PBX3: variants seen among roughly 807,000 people sequenced by gnomAD.
PBX3 encodes pre-B-cell leukemia transcription factor 3.
A neutral mutation model predicts 48.5 loss-of-function variants in PBX3; 14 were observed. That is an observed-to-expected ratio of 0.29 (90% confidence interval 0.19 to 0.45). The LOEUF is 0.45. PBX3 is among the 20% of genes least tolerant of loss of function. PBX3 has a pLI of 1.00. For missense variants in PBX3, 386 were observed against 546.7 expected, an observed-to-expected ratio of 0.71 and a Z score of 2.93; for synonymous variants, 210 against 200.3, an observed-to-expected ratio of 1.05 and a Z score of -0.41.
chr9:125,885,474 A>C (rs1358406544), intron 2 of PBX3, among the ~76,000 whole-genome samples: 4 of 152,168 alleles, frequency 2.6e-5, no homozygotes. Context: ...AGTAAGTCAC[A>C]ATATCCTAAT....
At chr9:125,936,760 A>G (rs1841844611) in intron 5 of PBX3, among the ~76,000 whole-genome samples, 1 of 152,188 alleles carries the variant, frequency 6.6e-6, no homozygotes, top group Admixed American at 6.5e-5. Flanking sequence ...GAAATGGTAT[A>G]TCTTGATTTC....
At position 125,880,793 on chromosome 9, in the gene PBX3, C is replaced by T. The variant is rs148384313; in HGVS notation, c.275-34893C>T. ...AAAATGTCATTTTTCTCACTTAAAT[C>T]GTGTCATGATTTTCAAATGCTGGAT... On this transcript the variant is annotated intron_variant, in intron 2 of 8. Coordinates refer to ENST00000373489, the MANE Select transcript of PBX3 (RefSeq NM_006195.6). 9.3e-3 allele frequency among the ~76,000 whole-genome samples: 1,413 copies of T among 152,132 alleles called. 30 individuals carry two copies. Among genetic ancestry groups the T allele is most frequent in the African/African-American group, 0.032 (1,322 of 41,508 alleles).
At chr9:125,755,493 GCT>G (rs772464082) in intron 2 of PBX3, among the ~76,000 whole-genome samples, 46 of 152,110 alleles carry the variant, frequency 3.0e-4, no homozygotes, top group Admixed American at 1.2e-3. Context: ...GGATTTCTTG[GCT>G]CTCTCTTAAC....
chr9:125,793,362 A>AGCTCAGTGTCTCAT (rs1554855726), intron 2 of PBX3, among the ~76,000 whole-genome samples: 1 of 65,652 alleles, frequency 1.5e-5, no homozygotes, highest in Non-Finnish European at 3.0e-5. Flanking sequence ...GGGGGGAAAA[A>AGCTCAGTGTCTCAT]AAAAATATAT....
intron 2 of PBX3, among the ~76,000 whole-genome samples, chr9:125,897,283 T>G (rs1218962130): frequency 6.6e-6 from 1 of 151,730 alleles, no homozygotes. Context: ...TCTTAAAATA[T>G]GAATTCATTA....
chr9:125,789,021 T>G (rs1837531002), intron 2 of PBX3, among the ~76,000 whole-genome samples: 1 of 152,226 alleles, frequency 6.6e-6, no homozygotes, highest in Non-Finnish European at 1.5e-5. Flanking sequence ...TAAGATTGTT[T>G]CATACTGTTG....
intron 2 of PBX3, among the ~76,000 whole-genome samples, chr9:125,793,366 A>AATATATATATATATATATATATAT (rs1554855765): frequency 2.1e-4 from 21 of 101,934 alleles, no homozygotes; most frequent in African/African-American, 8.9e-4. Flanking sequence ...GGAAAAAAAA[A>AATATATATATATATATATATATAT]ATATATATAT....
Position 125,965,897 on chromosome 9 carries a change from A to G in PBX3, c.1279A>G (p.Ser427Gly). The change falls in exon 9 of 9, where the codon AGT (serine) becomes GGT (glycine). Residue 427 changes from serine (S) to glycine (G), a missense_variant. Physicochemically the swap from Ser to Gly is moderately conservative, Grantham distance 56. Coordinates refer to ENST00000373489, the MANE Select transcript of PBX3 (RefSeq NM_006195.6). ...SVTSPTEGPGSVHSDTSN is the reference protein window; with the variant it reads ...SVTSPTEGPGGVHSDTSN ...GACTTCTCCTACAGAAGGCCCAGGA[A>G]GTGTGCACTCGGATACCTCTAACTA... 1 of 1,614,000 alleles carries G rather than the reference A, an allele frequency of 6.2e-7. No individual in the cohort carries two copies. Among genetic ancestry groups the G allele is most frequent in the Non-Finnish European group, 8.5e-7 (1 of 1,179,846 alleles).
chr9:125,893,910 A>T (rs1239705789), intron 2 of PBX3, among the ~76,000 whole-genome samples: 2 of 152,116 alleles, frequency 1.3e-5, no homozygotes, highest in African/African-American at 4.8e-5. Flanking sequence ...AAAACATTCT[A>T]AGTGAGATAC....
At position 125,891,389 on chromosome 9, in the gene PBX3, A is replaced by T. The variant is rs577875382; in HGVS notation, c.275-24297A>T. ...AGAAGTTGATATCTGACCATTTGTG[A>T]CTTAGAAAATGGCAGTTCCGTGAGG... On this transcript the variant is annotated intron_variant, in intron 2 of 8. Transcript: ENST00000373489. 2.6e-5 allele frequency among the ~76,000 whole-genome samples: 4 copies of T among 152,354 alleles called. No homozygotes were observed. In the East Asian group the frequency reaches 7.7e-4, roughly 29 times the overall value.
chr9:125,802,544 T>C (rs1037321221), intron 2 of PBX3, among the ~76,000 whole-genome samples: 11 of 151,852 alleles, frequency 7.2e-5, no homozygotes, highest in African/African-American at 2.7e-4. Flanking sequence ...AATTTTCGTA[T>C]TTTTTGTAGA....
In PBX3 at chr9:125,832,014, A is replaced by G. The variant is rs141609164; in HGVS notation, c.274+83391A>G. Among the ~76,000 whole-genome samples the G allele has an allele frequency of 2.7e-3, 418 of 152,306 alleles. 1 individual carries two copies. The highest frequency in any genetic ancestry group is 9.6e-3 in the African/African-American group (401 of 41,576). ...TACTGGGTTGTTTGCTTTCAGGAAA[A>G]GAGAGGAGATAAGTGAGCTCACATT... On this transcript the variant is annotated intron_variant, in intron 2 of 8. Transcript: ENST00000373489.
At position 125,935,173 on chromosome 9, in the gene PBX3, A is replaced by G. The variant is rs556130522; in HGVS notation, c.708-299A>G. Among the ~76,000 whole-genome samples, 35 of 152,202 alleles carry G rather than the reference A, an allele frequency of 2.3e-4. 1 individual carries two copies. In the South Asian group the frequency reaches 7.3e-3, roughly 32 times the overall value. ...CTCTTCCCTGTAAGCTCTCTGATAG[A>G]CCTTGTTTGTTCTCACTGGATCTTC... is the stretch of plus-strand genomic sequence containing the variant. On this transcript the variant is annotated intron_variant, in intron 4 of 8. Transcript: ENST00000373489.
At chr9:125,951,156 C>T (rs958675897) in intron 5 of PBX3, among the ~76,000 whole-genome samples, 6 of 152,110 alleles carry the variant, frequency 3.9e-5, no homozygotes, top group South Asian at 2.1e-4. Flanking sequence ...GAGCCCTTTG[C>T]AAATGGCTAC....
intron 2 of PBX3, among the ~76,000 whole-genome samples, chr9:125,848,969 T>C (rs935240459): frequency 1.6e-4 from 24 of 152,006 alleles, no homozygotes; most frequent in African/African-American, 5.8e-4. Context: ...TGAACACTTA[T>C]AATGTGCCAG....
At chr9:125,889,319 C>A (rs1003129093) in intron 2 of PBX3, among the ~76,000 whole-genome samples, 13 of 152,254 alleles carry the variant, frequency 8.5e-5, no homozygotes, top group African/African-American at 3.1e-4. Flanking sequence ...GGCGCTTGCA[C>A]ACGCACGGGC....
At position 125,882,548 on chromosome 9, in the gene PBX3, G is replaced by A. The variant is rs149464447; in HGVS notation, c.275-33138G>A. On this transcript the variant is annotated intron_variant, in intron 2 of 8. Coordinates refer to ENST00000373489, the MANE Select transcript of PBX3 (RefSeq NM_006195.6). ...AGGCGCTATAGGTTATTGGAAACAC[G>A]CTCTCTTATCACTACAGAAATCATG... Among the ~76,000 whole-genome samples the A allele has an allele frequency of 1.4e-4, 22 of 152,270 alleles. No homozygotes were observed. In the East Asian group the frequency reaches 4.0e-3, roughly 28 times the overall value.
At chr9:125,931,570 G>A (rs1407325147) in intron 4 of PBX3, among the ~76,000 whole-genome samples, 13 of 152,102 alleles carry the variant, frequency 8.5e-5, no homozygotes, top group Admixed American at 8.5e-4. Flanking sequence ...ATTATAGGCA[G>A]GAGCCACCAT....
intron 2 of PBX3, among the ~76,000 whole-genome samples, chr9:125,784,288 C>G (rs1837402737): frequency 6.6e-6 from 1 of 152,182 alleles, no homozygotes; most frequent in Admixed American, 6.5e-5. Context: ...GGCACCAACT[C>G]TGGCTAATTT....
Sources: allele counts gnomAD v4.1 joint callset (sites outside exome capture counted in the v4.1 genomes callset), GRCh38; gene constraint gnomAD v4.1.1; transcripts MANE v1.5; gene names NCBI Gene and HGNC (gene_info 2026-07-23, HGNC 2026-07-21).